Variants in PDE4D observed in about 807,000 individuals in gnomAD.
The protein encoded by PDE4D is phosphodiesterase 4D, also known as 3',5'-cyclic-AMP phosphodiesterase 4D.
Under a neutral mutation model 87.4 loss-of-function variants are expected in PDE4D, and 24 were observed. The ratio of observed to expected loss-of-function variants is 0.27; its 90% confidence interval spans 0.20 to 0.39. PDE4D has a LOEUF of 0.39. Ranked by LOEUF, PDE4D falls within the 10% of genes least tolerant of loss-of-function variation. The pLI, the probability that PDE4D is intolerant of heterozygous loss-of-function variation, is 1.00. For missense variants in PDE4D, 714 were observed against 1,041.0 expected, an observed-to-expected ratio of 0.69 and a Z score of 4.32; for synonymous variants, 384 against 383.2, an observed-to-expected ratio of 1.00 and a Z score of -0.02.
chr5:59,708,824 T>C (rs1753805723), intron 1 of PDE4D, among the ~76,000 whole-genome samples: 1 of 152,080 alleles, frequency 6.6e-6, no homozygotes, highest in African/African-American at 2.4e-5. Flanking sequence ...TTAATGAACG[T>C]TCCACTTCTA....
At chr5:59,438,323 G>A (rs909294054) in intron 1 of PDE4D, among the ~76,000 whole-genome samples, 7 of 151,992 alleles carry the variant, frequency 4.6e-5, no homozygotes, top group Non-Finnish European at 1.0e-4. Flanking sequence ...TATTTTTAAT[G>A]TTCTCTGTCC....
At chr5:60,494,399 C>CA (rs1749700838) in intron 1 of PDE4D, among the ~76,000 whole-genome samples, 1 of 152,212 alleles carries the variant, frequency 6.6e-6, no homozygotes, top group Admixed American at 6.5e-5. Context: ...AGCACTGCTG[C>CA]AGTCCAGTCC....
intron 1 of PDE4D, among the ~76,000 whole-genome samples, chr5:59,385,965 G>A (rs1214501888): frequency 6.6e-6 from 1 of 152,086 alleles, no homozygotes; most frequent in Admixed American, 6.6e-5. Context: ...CTCTCTCAGA[G>A]TCCTGACCCT....
chr5:59,536,504 C>CAAAAAAAAAAAAAAAAAAAAA (rs10586960), intron 1 of PDE4D, among the ~76,000 whole-genome samples: 6 of 56,386 alleles, frequency 1.1e-4, no homozygotes, highest in African/African-American at 5.6e-4. Context: ...GACTCAGCCT[C>CAAAAAAAAAAAAAAAAAAAAA]AAAAAAAAAA....
intron 1 of PDE4D, among the ~76,000 whole-genome samples, chr5:59,714,568 A>G (rs1754713127): frequency 6.6e-6 from 1 of 152,222 alleles, no homozygotes; most frequent in Non-Finnish European, 1.5e-5. Flanking sequence ...CAGCCATCCC[A>G]TCTATTACAG....
At chr5:59,469,668 C>T (rs1802140142) in intron 1 of PDE4D, among the ~76,000 whole-genome samples, 1 of 152,126 alleles carries the variant, frequency 6.6e-6, no homozygotes, top group South Asian at 2.1e-4. Context: ...AAAACTTCCT[C>T]CATAGGAAAT....
chr5:60,456,705 T>C lies in PDE4D; in HGVS notation c.-90+31237A>G, dbSNP rs1311823513. On this transcript the variant is annotated intron_variant, in intron 1 of 16. Coordinates refer to the PDE4D transcript ENST00000502484. ...GTTTTTGTCTCAACTTCTCCTTCCTTACTCTCAGTCTACAAAACATCATGC... is the reference window on the plus strand; with the variant it reads ...GTTTTTGTCTCAACTTCTCCTTCCTCACTCTCAGTCTACAAAACATCATGC... Among the ~76,000 whole-genome samples the C allele has an allele frequency of 2.6e-5, 4 of 152,154 alleles. No homozygotes were observed. The East Asian group carries it at 7.7e-4, about 29-fold the overall frequency.
At chr5:59,997,659 G>A (rs920870348) in intron 2 of PDE4D, among the ~76,000 whole-genome samples, 8 of 152,042 alleles carry the variant, frequency 5.3e-5, no homozygotes, top group Admixed American at 2.6e-4. Context: ...TTGATATTCA[G>A]ATAACTACAA....
rs530635172 is a variant in PDE4D, at chr5:59,040,331, A to G, written c.809-1360T>C. Among the ~76,000 whole-genome samples, 58 of 152,330 alleles carry G rather than the reference A, an allele frequency of 3.8e-4. 1 individual carries two copies. Among genetic ancestry groups the G allele is most frequent in the African/African-American group, 1.3e-3 (56 of 41,588 alleles). Reference sequence around the variant, plus strand: ...AAATTTGACAATAGGCTGCATTTTCATATGCCGAATTGCCTAAGAGTTCTC... The same window carrying G: ...AAATTTGACAATAGGCTGCATTTTCGTATGCCGAATTGCCTAAGAGTTCTC... On this transcript the variant is annotated intron_variant, in intron 5 of 14. Transcript: ENST00000340635.
intron 1 of PDE4D, among the ~76,000 whole-genome samples, chr5:60,371,595 A>C (rs1381390196): frequency 6.6e-6 from 1 of 152,186 alleles, no homozygotes; most frequent in Non-Finnish European, 1.5e-5. Context: ...GGATTTTCAC[A>C]AAGTGAACAC....
intron 11 of PDE4D, among the ~76,000 whole-genome samples, chr5:58,984,904 G>A (rs540583904): frequency 4.3e-4 from 66 of 152,004 alleles, no homozygotes; most frequent in African/African-American, 1.5e-3. Flanking sequence ...TACATTTTAT[G>A]GATTTATTTA....
chr5:59,691,389 C>G (rs1226018144), intron 1 of PDE4D, among the ~76,000 whole-genome samples: 1 of 151,980 alleles, frequency 6.6e-6, no homozygotes, highest in Non-Finnish European at 1.5e-5. Flanking sequence ...ACTATGCAGC[C>G]ATAAAAAATG....
In PDE4D at chr5:60,134,590, G is replaced by A. The variant is rs2194258; in HGVS notation, c.42+50967C>T. The stretch of plus-strand genomic sequence containing the variant: ...ATTACTTCCAGGACCTCTGGCAGAC[G>A]CCAAAATCCATGGATGCTCAAGCCC... On this transcript the variant is annotated intron_variant, in intron 2 of 16. Coordinates refer to the PDE4D transcript ENST00000502484. Among the ~76,000 whole-genome samples the A allele has an allele frequency of 7.7e-3, 1,172 of 152,246 alleles. 12 individuals carry two copies. Among genetic ancestry groups the A allele is most frequent in the African/African-American group, 0.027 (1,116 of 41,542 alleles).
At chr5:59,516,882 T>C (rs1437423114) in intron 1 of PDE4D, among the ~76,000 whole-genome samples, 1 of 152,112 alleles carries the variant, frequency 6.6e-6, no homozygotes, top group African/African-American at 2.4e-5. Flanking sequence ...TGTGATCACA[T>C]ATTCTTTCTC....
At chr5:59,162,729 C>A (rs2153465959) in intron 5 of PDE4D, among the ~76,000 whole-genome samples, 1 of 150,816 alleles carries the variant, frequency 6.6e-6, no homozygotes, top group East Asian at 2.0e-4. Context: ...GTGCTATGTG[C>A]CTGTAGTCCC....
At chr5:59,340,917 T>C (rs1428870739) in intron 1 of PDE4D, among the ~76,000 whole-genome samples, 1 of 152,234 alleles carries the variant, frequency 6.6e-6, no homozygotes, top group Non-Finnish European at 1.5e-5. Flanking sequence ...ATATTTTCTT[T>C]ATCCGTTAAT....
At chr5:60,335,556 T>C (rs1414402450) in intron 1 of PDE4D, among the ~76,000 whole-genome samples, 1 of 152,186 alleles carries the variant, frequency 6.6e-6, no homozygotes, top group African/African-American at 2.4e-5. Flanking sequence ...AAGCCCTTTT[T>C]AGTAAATGCT....
chr5:59,673,145 G>C (rs1263854585), intron 1 of PDE4D, among the ~76,000 whole-genome samples: 2 of 152,174 alleles, frequency 1.3e-5, no homozygotes, highest in Admixed American at 6.5e-5. Flanking sequence ...GCATCCTTGT[G>C]CTTTTGGGGA....
At chr5:60,035,617 T>G (rs1767712639) in intron 2 of PDE4D, among the ~76,000 whole-genome samples, 1 of 152,220 alleles carries the variant, frequency 6.6e-6, no homozygotes, top group African/African-American at 2.4e-5. Context: ...TGATAGTCTG[T>G]GTAATAAATT....
Sources: gnomAD v4.1 joint callset for allele counts (sites outside exome capture counted in the v4.1 genomes callset) on GRCh38, gnomAD v4.1.1 for gene constraint, MANE v1.5 for transcripts, NCBI Gene and HGNC (gene_info 2026-07-23, HGNC 2026-07-21) for gene names.